The following KNTC1 variants were observed in gnomAD, a reference collection of about 807,000 sequenced individuals.
KNTC1 encodes the protein kinetochore-associated protein 1.
KNTC1 carries 253 observed loss-of-function variants against 314.4 expected under a neutral mutation model. The ratio of observed to expected loss-of-function variants is 0.80; its 90% CI spans 0.73 to 0.89. The LOEUF is 0.89. KNTC1 is among the 40% of genes least tolerant of loss of function. The pLI is 0.00. For synonymous variants in KNTC1, 901 were observed against 901.4 expected (o/e 1.00, Z 0.01); for missense variants, 2,475 against 2,572.9 (o/e 0.96, Z 0.82).
chr12:122,558,881 G>A (rs1963784220), intron 18 of KNTC1, among the ~76,000 whole-genome samples: 1 of 151,988 alleles, frequency 6.6e-6, no homozygotes, highest in East Asian at 1.9e-4. Flanking sequence ...AAAAACAAAA[G>A]AAAACAAAAC....
Position 122,541,955 on chromosome 12 carries a change from C to T in KNTC1, c.446-95C>T, listed in dbSNP as rs562952582. 9 of 1,243,766 alleles carry T rather than the reference C, an allele frequency of 7.2e-6. No individual in the cohort carries two copies. The East Asian group carries it at 2.2e-4, about 30-fold the overall frequency. 77.0% of individuals were successfully genotyped at this position (1,243,766 alleles called of 1,614,324 possible). A position where few individuals can be genotyped will look rare whatever the true frequency, so the allele number is the denominator to read the frequency against. Reference sequence around the variant, plus strand: ...AATTGCACCCTAGAGGCGGAGGTTGCAGGGAGCCGAGATCGCGCTGCTGCA... The same window carrying T: ...AATTGCACCCTAGAGGCGGAGGTTGTAGGGAGCCGAGATCGCGCTGCTGCA... On this transcript the variant is annotated intron_variant, in intron 5 of 63. Transcript: ENST00000333479.
At chr12:122,602,970 A>T in intron 47 of KNTC1, 57 bp from the exon 48 acceptor site, 2 of 1,563,050 alleles carry the variant, frequency 1.3e-6, no homozygotes, top group Non-Finnish European at 1.8e-6. Flanking sequence ...TGCTGCTTTC[A>T]TGTAAAACCT....
Position 122,604,560 on chromosome 12 carries a change from T to C in KNTC1, c.5102-4T>C. 7.3e-7 allele frequency: 1 copy of C among 1,372,980 alleles called. No homozygotes were observed. The highest frequency in any genetic ancestry group is 1.0e-6 in the Non-Finnish European group (1 of 968,970). 85.0% of individuals were successfully genotyped at this position (1,372,980 alleles called of 1,614,324 possible). ...TTATTTATTTATTTATTTATTTATT[T>C]TAGGTTCCTTCAAGATATCTGCTTT... On this transcript the variant is annotated splice_region_variant and splice_polypyrimidine_tract_variant and intron_variant, in intron 48 of 63. Transcript: ENST00000333479.
chr12:122,545,896 A>G (rs1962723087), intron 8 of KNTC1, among the ~76,000 whole-genome samples: 1 of 151,600 alleles, frequency 6.6e-6, no homozygotes, highest in Admixed American at 6.6e-5. Flanking sequence ...GGCTGCAGTG[A>G]GCTGTGATCA....
At chr12:122,562,617 A>C (rs1356370159) in intron 19 of KNTC1, 21 bp from the exon 20 acceptor site, 4 of 1,417,410 alleles carry the variant, frequency 2.8e-6, no homozygotes, top group Non-Finnish European at 4.0e-6. Flanking sequence ...AATTCAGATT[A>C]TTAAATTATT....
intron 59 of KNTC1, among the ~76,000 whole-genome samples, chr12:122,619,687 C>T (rs1874201291): frequency 6.6e-6 from 1 of 152,070 alleles, no homozygotes; most frequent in African/African-American, 2.4e-5. Context: ...GCTGGGATTA[C>T]AGGCTTCAGC....
chr12:122,545,923 G>A (rs1488678982), intron 8 of KNTC1, among the ~76,000 whole-genome samples: 1 of 149,476 alleles, frequency 6.7e-6, no homozygotes, highest in South Asian at 2.1e-4. Flanking sequence ...TCCAGCCTGG[G>A]CAATGGAGTG....
intron 55 of KNTC1, among the ~76,000 whole-genome samples, chr12:122,614,524 A>G (rs1873552714): frequency 6.6e-6 from 1 of 152,140 alleles, no homozygotes; most frequent in African/African-American, 2.4e-5. Context: ...AAGAAAAATA[A>G]TCTTTTTTGT....
Position 122,585,771 on chromosome 12 carries a change from G to A in KNTC1, c.3670G>A (p.Ala1224Thr), listed in dbSNP as rs1869186009. Residue 1224 changes from alanine (A) to threonine (T), a missense_variant, in exon 37 of 64, where the codon GCT (alanine) becomes ACT (threonine). Coordinates refer to ENST00000333479, the MANE Select transcript of KNTC1 (RefSeq NM_014708.6). ...ACTGATTTCATCTCTTGTGCCTCTA[G>A]CTGGTAAGTCTTATTTGTATCATTA... ...YELISSLVPL[A>T]ESKRYPLEST... The A allele has an allele frequency of 6.2e-7, 1 of 1,613,358 alleles. No homozygotes were observed.
chr12:122,569,588 C>A, intron 21 of KNTC1, 93 bp from the exon 22 acceptor site: 1 of 1,135,580 alleles, frequency 8.8e-7, no homozygotes, highest in Non-Finnish European at 1.3e-6. Flanking sequence ...TAGGCTACTC[C>A]TTAAAATGAC....
Position 122,613,877 on chromosome 12 carries a change from G to A in KNTC1, c.5877+116G>A, listed in dbSNP as rs1223950107. ...GTTGTTGGGGACAGAGTTTTGCTCT[G>A]TTGCCCAGGCTGGAGTACAGTGGTG... On this transcript the variant is annotated intron_variant, in intron 55 of 63. Coordinates refer to ENST00000333479, the MANE Select transcript of KNTC1 (RefSeq NM_014708.6). The A allele has an allele frequency of 8.1e-6, 9 of 1,109,460 alleles. No individual in the cohort carries two copies. In the African/African-American group the frequency reaches 8.1e-5, roughly 10 times the overall value. The allele number at this position is 1,109,460 out of a possible 1,614,324, so 68.7% of individuals were successfully genotyped here.
intron 18 of KNTC1, among the ~76,000 whole-genome samples, chr12:122,561,292 G>GCCC (rs1963953563): frequency 1.3e-5 from 2 of 151,580 alleles, no homozygotes; most frequent in African/African-American, 4.8e-5. Context: ...TCCAACCTGG[G>GCCC]TGACAGAGCA....
intron 42 of KNTC1, chr12:122,593,521 C>A (rs1404999619): frequency 6.6e-6 from 1 of 152,268 alleles, no homozygotes; most frequent in Non-Finnish European, 1.5e-5. Context: ...CGTCGGCCTC[C>A]CAAAGTGCTG....
At chr12:122,557,243 C>A in intron 16 of KNTC1, 141 bp from the exon 17 acceptor site, 1 of 744,636 alleles carries the variant, frequency 1.3e-6, no homozygotes, top group Non-Finnish European at 2.1e-6. Flanking sequence ...CTGAATGTTA[C>A]TTTCTTTAAA....
At position 122,583,087 on chromosome 12, in the gene KNTC1, G is replaced by A. The variant is rs7310271; in HGVS notation, c.3263+102G>A. ...AGCAATTTAGGAGGCCGAGGCAGGC[G>A]GATCACAAGGTCAGGAGATCAAGAC... On this transcript the variant is annotated intron_variant, in intron 34 of 63. Transcript: ENST00000333479. The A allele has an allele frequency of 0.014, 14,816 of 1,038,510 alleles. 1,381 individuals carry two copies. In the African/African-American group the frequency reaches 0.21, roughly 15 times the overall value. 64.3% of individuals were successfully genotyped at this position (1,038,510 alleles called of 1,614,324 possible).
chr12:122,542,013 C>G, intron 5 of KNTC1, 37 bp from the exon 6 acceptor site: 1 of 1,481,966 alleles, frequency 6.7e-7, no homozygotes, highest in Non-Finnish European at 9.0e-7. Flanking sequence ...GACTCCATCT[C>G]AAAAAAAAGA....
chr12:122,611,504 T>C (rs186919787), intron 53 of KNTC1: 1 of 152,530 alleles, frequency 6.6e-6, no homozygotes. Context: ...TTATATTCTC[T>C]ACATATAAAG....
intron 63 of KNTC1, among the ~76,000 whole-genome samples, 186 bp from the exon 64 acceptor site, chr12:122,626,019 G>A (rs1875008497): frequency 6.6e-6 from 1 of 151,982 alleles, no homozygotes; most frequent in Admixed American, 6.6e-5. Context: ...TTTCAGAAGG[G>A]GAGAGTATTG....
In KNTC1 at chr12:122,570,925, CTGA is replaced by C; in HGVS notation, c.1912_1914del (p.Asp638del). 2 of 1,572,100 alleles carry C rather than the reference CTGA, an allele frequency of 1.3e-6. No homozygotes were observed. The highest frequency in any genetic ancestry group is 1.7e-6 in the Non-Finnish European group (2 of 1,154,806). On this transcript the variant is annotated inframe_deletion, in exon 23 of 64. Coordinates refer to ENST00000333479, the MANE Select transcript of KNTC1 (RefSeq NM_014708.6). The stretch of plus-strand genomic sequence containing the variant: ...CAAGCAGCCAGGAACCTTGAATTAA[CTGA>C]TAAGGTAATACTGATTTAATTAACA...
Sources: gnomAD v4.1 joint callset for allele counts (sites outside exome capture counted in the v4.1 genomes callset) on GRCh38, gnomAD v4.1.1 for gene constraint, MANE v1.5 for transcripts, NCBI Gene and HGNC (gene_info 2026-07-23, HGNC 2026-07-21) for gene names.